Variants in HEPACAM observed in about 807,000 individuals in gnomAD.
HEPACAM encodes hepatocyte cell adhesion molecule.
A neutral mutation model predicts 38.3 loss-of-function variants in HEPACAM; 18 were observed. The ratio of observed to expected loss-of-function variants is 0.47; its 90% CI spans 0.33 to 0.70. The LOEUF (loss-of-function observed/expected upper bound fraction) is 0.70. Among genes scored for constraint, HEPACAM ranks in the 30% least tolerant of loss-of-function variants. The probability of loss-of-function intolerance (pLI) is 0.03; values close to 1 mark genes in which losing one functional copy is unlikely to be tolerated. For missense variants in HEPACAM, 466 were observed against 563.0 expected, an observed-to-expected ratio of 0.83 and a Z score of 1.74; for synonymous variants, 216 against 243.1, an observed-to-expected ratio of 0.89 and a Z score of 1.04.
intron 1 of HEPACAM, among the ~76,000 whole-genome samples, chr11:124,929,869 C>G (rs1160961525): frequency 6.6e-6 from 1 of 152,146 alleles, no homozygotes; most frequent in Non-Finnish European, 1.5e-5. Context: ...TATGTGCTCC[C>G]TTTGCTGGGC....
At position 124,921,690 on chromosome 11, in the gene HEPACAM, C is replaced by T. The variant is rs897870723; in HGVS notation, c.949-250G>A. On this transcript the variant is annotated intron_variant, in intron 6 of 6. Transcript: ENST00000298251. The surrounding 1 kb of genome is among the most constrained non-coding windows in gnomAD (Gnocchi z 4.6). ...TTTGAGTGCTTTTCCCCTTTACTCT[C>T]CTCTTTCCACCCGTCGTGGACAGCC... 6.6e-6 allele frequency among the ~76,000 whole-genome samples: 1 copy of T among 151,158 alleles called. No individual in the cohort carries two copies. Among genetic ancestry groups the T allele is most frequent in the African/African-American group, 2.4e-5 (1 of 41,380 alleles).
chr11:124,925,939 G>T (rs571014374), intron 1 of HEPACAM, among the ~76,000 whole-genome samples: 2 of 152,216 alleles, frequency 1.3e-5, no homozygotes, highest in Admixed American at 1.3e-4. Context: ...GGTGGCTCAC[G>T]CCTGTAATCG....
Position 124,920,959 on chromosome 11 carries a change from C to G in HEPACAM, c.*179G>C. Reference sequence around the variant, plus strand: ...CCCGGTTTCACCATATCAACACTGCCGCCTCCGCGCACCCGCCTCCGTCTG... The same window carrying G: ...CCCGGTTTCACCATATCAACACTGCGGCCTCCGCGCACCCGCCTCCGTCTG... On this transcript the variant is annotated 3_prime_UTR_variant, in exon 7 of 7. Transcript: ENST00000298251. 7.3e-7 allele frequency: 1 copy of G among 1,367,728 alleles called. No individual in the cohort carries two copies. Among genetic ancestry groups the G allele is most frequent in the South Asian group, 1.7e-5 (1 of 58,696 alleles). 84.7% of individuals were successfully genotyped at this position (1,367,728 alleles called of 1,614,324 possible). A position where few individuals can be genotyped will look rare whatever the true frequency, so the allele number is the denominator to read the frequency against.
In HEPACAM at chr11:124,924,481, C is replaced by T. The variant is rs1043663674; in HGVS notation, c.427+247G>A. 2 of 570,306 alleles carry T rather than the reference C, an allele frequency of 3.5e-6. No homozygotes were observed. Among genetic ancestry groups the T allele is most frequent in the African/African-American group, 3.7e-5 (2 of 53,392 alleles). 35.3% of individuals were successfully genotyped at this position (570,306 alleles called of 1,614,324 possible). A position where few individuals can be genotyped will look rare whatever the true frequency, so the allele number is the denominator to read the frequency against. ...TTAGGATAATGATATGAACTATCAC[C>T]AGACTATTATAAGCATTAAATGAGT... On this transcript the variant is annotated intron_variant, in intron 2 of 6. Coordinates refer to ENST00000298251, the MANE Select transcript of HEPACAM (RefSeq NM_152722.5). This position sits in a 1 kb window ranked among gnomAD's most constrained non-coding sequence, Gnocchi z 4.4.
At chr11:124,922,671 C>T in intron 5 of HEPACAM, 74 bp downstream of exon 5, 1 of 1,614,164 alleles carries the variant, frequency 6.2e-7, no homozygotes, top group Non-Finnish European at 8.5e-7. Context: ...CCTTGTCGCC[C>T]AGTTCTGCCT....
In HEPACAM at chr11:124,923,763, C is replaced by T; in HGVS notation, c.675G>A (p.Gln225=). 1 of 1,614,198 alleles carries T rather than the reference C, an allele frequency of 6.2e-7. No individual in the cohort carries two copies. Among genetic ancestry groups the T allele is most frequent in the Non-Finnish European group, 8.5e-7 (1 of 1,180,036 alleles). Residue 225 remains glutamine (Q), a synonymous_variant, in exon 3 of 7, where the codon CAG becomes CAA. Transcript: ENST00000298251. ...YSCMVENPIS[Q]GRSLPVKITV... is the part of the protein sequence containing the mutation. ...TGATCTTGACAGGCAGGCTGCGGCC[C>T]TGGCTGATGGGGTTCTCCACCATGC...
chr11:124,919,903 CCTCT>C lies in HEPACAM; in HGVS notation c.*1231_*1234del. 6.2e-7 allele frequency: 1 copy of C among 1,614,104 alleles called. No individual in the cohort carries two copies. Among genetic ancestry groups the C allele is most frequent in the Non-Finnish European group, 8.5e-7 (1 of 1,180,032 alleles). Reference sequence around the variant, plus strand: ...CCTTCTCTTTCAGCTTTTTAATTGCCCTCTCTCCTCACACAGTAGATTACTGCCA... The same window carrying C: ...CCTTCTCTTTCAGCTTTTTAATTGCCCTCCTCACACAGTAGATTACTGCCA... On this transcript the variant is annotated 3_prime_UTR_variant, in exon 7 of 7. Transcript: ENST00000298251.
chr11:124,922,521 T>G (rs2135397635), intron 5 of HEPACAM, 63 bp from the exon 6 acceptor site: 1 of 1,597,276 alleles, frequency 6.3e-7, no homozygotes, highest in Non-Finnish European at 8.6e-7. Flanking sequence ...AGCCGGCACC[T>G]ACTCTCTGTG....
chr11:124,919,476 A>G lies in HEPACAM; in HGVS notation c.*1662T>C. 1 of 478,370 alleles carries G rather than the reference A, an allele frequency of 2.1e-6. No individual in the cohort carries two copies. Among genetic ancestry groups the G allele is most frequent in the Non-Finnish European group, 3.8e-6 (1 of 265,608 alleles). 29.6% of individuals were successfully genotyped at this position (478,370 alleles called of 1,614,324 possible). On this transcript the variant is annotated 3_prime_UTR_variant, in exon 7 of 7. Coordinates refer to ENST00000298251, the MANE Select transcript of HEPACAM (RefSeq NM_152722.5). ...ATCTCACCCTAACCTTCACCTGTGCATCTCAAGGCTGACCAGCAGGTACTC... is the reference window on the plus strand; with the variant it reads ...ATCTCACCCTAACCTTCACCTGTGCGTCTCAAGGCTGACCAGCAGGTACTC...
In HEPACAM at chr11:124,919,751, A is replaced by G. The variant is rs1174860359; in HGVS notation, c.*1387T>C. On this transcript the variant is annotated 3_prime_UTR_variant, in exon 7 of 7. Transcript: ENST00000298251. The stretch of plus-strand genomic sequence containing the variant: ...CAAAACTTGACCTGGTGTGGAGGTG[A>G]TGGGTAACTGGGGCCTTGGAATTGC... 6 of 1,613,492 alleles carry G rather than the reference A, an allele frequency of 3.7e-6. No individual in the cohort carries two copies. Among genetic ancestry groups the G allele is most frequent in the Non-Finnish European group, 5.1e-6 (6 of 1,179,794 alleles).
chr11:124,928,815 G>GATGTCTA (rs1176771708), intron 1 of HEPACAM, among the ~76,000 whole-genome samples: 37 of 152,316 alleles, frequency 2.4e-4, no homozygotes, highest in African/African-American at 6.5e-4. Flanking sequence ...TATGTTGATT[G>GATGTCTA]ATGTCTAATG....
chr11:124,927,830 G>A (rs1323712743), intron 1 of HEPACAM, among the ~76,000 whole-genome samples: 1 of 152,126 alleles, frequency 6.6e-6, no homozygotes, highest in Non-Finnish European at 1.5e-5. Flanking sequence ...AGTGGAGGTT[G>A]CAGTGAGCTG....
rs1245937224 is a variant in HEPACAM, at chr11:124,927,181, G to GT, written c.86-2113_86-2112insA. Among the ~76,000 whole-genome samples the GT allele has an allele frequency of 1.6e-4, 24 of 152,022 alleles. 1 individual carries two copies. The South Asian group carries it at 4.0e-3, about 25-fold the overall frequency. On this transcript the variant is annotated intron_variant, in intron 1 of 6. Transcript: ENST00000298251. ...CACTGCGTGGTTACTAAACATATTA[G>GT]ATCCATTTTTGGAAAAAGTGCTTTG... is the stretch of plus-strand genomic sequence containing the variant.
intron 1 of HEPACAM, 41 bp from the exon 2 acceptor site, chr11:124,925,110 C>G (rs1947190759): frequency 1.3e-6 from 2 of 1,502,158 alleles, no homozygotes; most frequent in South Asian, 2.6e-5. Context: ...AGCATCAGGC[C>G]CTGGGCTCCT....
rs71042463 is a variant in HEPACAM, at chr11:124,920,678, CAAAAAAAAAAA to C, written c.*449_*459del. 361 of 575,186 alleles carry C rather than the reference CAAAAAAAAAAA, an allele frequency of 6.3e-4. No individual in the cohort carries two copies. The highest frequency in any genetic ancestry group is 3.8e-3 in the East Asian group (12 of 3,166). The allele number at this position is 575,186 out of a possible 1,614,324, so 35.6% of individuals were successfully genotyped here. ...AAGTGGCCTCTCTAATCTGAACTTG[CAAAAAAAAAAA>C]AAAAAAAAAAAAAAAAAAAAGTGCC... On this transcript the variant is annotated 3_prime_UTR_variant, in exon 7 of 7. Transcript: ENST00000298251.
In HEPACAM at chr11:124,923,372, C is replaced by T. The variant is rs1947165006; in HGVS notation, c.771G>A (p.Val257=). 1 of 1,613,784 alleles carries T rather than the reference C, an allele frequency of 6.2e-7. No homozygotes were observed. The highest frequency in any genetic ancestry group is 1.6e-4 in the Middle Eastern group (1 of 6,062). The change falls in exon 4 of 7, where the codon GTG becomes GTA. Residue 257 remains valine, a synonymous_variant. Coordinates refer to ENST00000298251, the MANE Select transcript of HEPACAM (RefSeq NM_152722.5). The part of the protein sequence containing the change: ...TGGIFLLVTL[V]TVCACWKPSK... ...AGGGTTTCCAGCAGGCACAGACTGT[C>T]ACCAAGGTCACAAGGAGGAAGATGC...
At chr11:124,927,362 T>G (rs894293621) in intron 1 of HEPACAM, among the ~76,000 whole-genome samples, 1 of 151,150 alleles carries the variant, frequency 6.6e-6, no homozygotes, top group African/African-American at 2.4e-5. Context: ...TTTTTTTTTT[T>G]GACAAGGTCT....
chr11:124,919,600 C>A lies in HEPACAM; in HGVS notation c.*1538G>T. On this transcript the variant is annotated 3_prime_UTR_variant, in exon 7 of 7. Transcript: ENST00000298251. ...GAGGCACCTGGGAAGTTTAGGGGAG[C>A]TGCGAAGGCACACCTGCTCAAATGA... 1 of 797,464 alleles carries A rather than the reference C, an allele frequency of 1.3e-6. No homozygotes were observed. Among genetic ancestry groups the A allele is most frequent in the Non-Finnish European group, 2.0e-6 (1 of 511,908 alleles). 49.4% of individuals were successfully genotyped at this position (797,464 alleles called of 1,614,324 possible).
Position 124,920,208 on chromosome 11 carries a change from C to G in HEPACAM, c.*930G>C. The G allele has an allele frequency of 1.1e-6, 1 of 871,790 alleles. No individual in the cohort carries two copies. The highest frequency in any genetic ancestry group is 1.8e-6 in the Non-Finnish European group (1 of 569,864). The allele number at this position is 871,790 out of a possible 1,614,324, so 54.0% of individuals were successfully genotyped here. A position where few individuals can be genotyped will look rare whatever the true frequency, so the allele number is the denominator to read the frequency against. On this transcript the variant is annotated 3_prime_UTR_variant, in exon 7 of 7. Transcript: ENST00000298251. ...AGCTGGAGGAAGCTCAACAACTTTCCTGAGGACAATGATTGTTTGAAAGGC... is the reference window on the plus strand; with the variant it reads ...AGCTGGAGGAAGCTCAACAACTTTCGTGAGGACAATGATTGTTTGAAAGGC...
Sources: allele counts gnomAD v4.1 joint callset (sites outside exome capture counted in the v4.1 genomes callset), GRCh38; gene constraint gnomAD v4.1.1; non-coding constraint Gnocchi (gnomAD v3.1); transcripts MANE v1.5; gene names NCBI Gene and HGNC (gene_info 2026-07-23, HGNC 2026-07-21).